Variants in NKAIN2 observed in about 807,000 individuals in gnomAD.
NKAIN2 encodes the protein sodium/potassium transporting ATPase interacting 2.
Under a neutral mutation model 32.6 loss-of-function variants are expected in NKAIN2, and 14 were observed. That is an observed-to-expected ratio of 0.43 (90% confidence interval 0.28 to 0.67). NKAIN2 has a LOEUF of 0.67. NKAIN2 is among the 30% of genes least tolerant of loss of function. The pLI, the probability that NKAIN2 is intolerant of heterozygous loss-of-function variation, is 0.17. For missense variants in NKAIN2, 198 were observed against 258.3 expected, an observed-to-expected ratio of 0.77 and a Z score of 1.60; for synonymous variants, 80 against 87.2, an observed-to-expected ratio of 0.92 and a Z score of 0.46.
chr6:124,741,314 T>C (rs1777198079), intron 4 of NKAIN2, among the ~76,000 whole-genome samples: 1 of 151,846 alleles, frequency 6.6e-6, no homozygotes, highest in African/African-American at 2.4e-5. Flanking sequence ...TAGATATTAC[T>C]AAGAATTATG....
intron 1 of NKAIN2, among the ~76,000 whole-genome samples, chr6:123,931,792 C>G (rs1776263405): frequency 6.6e-6 from 1 of 152,020 alleles, no homozygotes; most frequent in Non-Finnish European, 1.5e-5. Flanking sequence ...ATTTGATCTA[C>G]TAACCCTACT....
chr6:124,067,340 C>T (rs1251303503), intron 1 of NKAIN2, among the ~76,000 whole-genome samples: 4 of 152,136 alleles, frequency 2.6e-5, no homozygotes, highest in Non-Finnish European at 4.4e-5. Flanking sequence ...AGTTCTCCTA[C>T]GTCTGTCTAT....
chr6:124,589,262 C>A (rs1030826525), intron 3 of NKAIN2, among the ~76,000 whole-genome samples: 1 of 152,170 alleles, frequency 6.6e-6, no homozygotes, highest in East Asian at 1.9e-4. Flanking sequence ...CATCATCAAG[C>A]CTCATTTTTC....
At chr6:124,409,172 G>C (rs550483442) in intron 3 of NKAIN2, among the ~76,000 whole-genome samples, 2 of 152,106 alleles carry the variant, frequency 1.3e-5, no homozygotes, top group South Asian at 4.1e-4. Context: ...TTTCCTAACT[G>C]AATGCCGTTT....
Position 124,404,324 on chromosome 6 carries a change from G to A in NKAIN2, c.273+48977G>A, listed in dbSNP as rs546494678. On this transcript the variant is annotated intron_variant, in intron 3 of 6. Transcript: ENST00000368417. Reference sequence around the variant, plus strand: ...ACCCAAAAGAGAGAGGGTTCACCAGGGATCACTTTTTGTTGATTCCTGAGC... The same window carrying A: ...ACCCAAAAGAGAGAGGGTTCACCAGAGATCACTTTTTGTTGATTCCTGAGC... 2.6e-5 allele frequency among the ~76,000 whole-genome samples: 4 copies of A among 152,202 alleles called. No homozygotes were observed. In the South Asian group the frequency reaches 8.3e-4, roughly 32 times the overall value.
chr6:124,229,823 G>A (rs1299086451), intron 1 of NKAIN2, among the ~76,000 whole-genome samples: 3 of 152,106 alleles, frequency 2.0e-5, no homozygotes, highest in Non-Finnish European at 2.9e-5. Flanking sequence ...TCCCAGCCAC[G>A]TGGAACTGTT....
At chr6:124,612,119 G>A (rs1303287929) in intron 3 of NKAIN2, among the ~76,000 whole-genome samples, 1 of 151,144 alleles carries the variant, frequency 6.6e-6, no homozygotes, top group African/African-American at 2.4e-5. Flanking sequence ...GACTATATAG[G>A]TATTTTGGGC....
chr6:124,618,564 G>A (rs1399935406), intron 3 of NKAIN2, among the ~76,000 whole-genome samples: 1 of 152,130 alleles, frequency 6.6e-6, no homozygotes, highest in Non-Finnish European at 1.5e-5. Flanking sequence ...ATACCTGAAA[G>A]TTCCTGCTAG....
At chr6:124,684,041 T>G (rs547572750) in intron 4 of NKAIN2, among the ~76,000 whole-genome samples, 1 of 152,310 alleles carries the variant, frequency 6.6e-6, no homozygotes, top group Admixed American at 6.5e-5. Flanking sequence ...ATCATAAAAT[T>G]AATTCTTTCT....
chr6:124,737,964 T>C (rs1777033694), intron 4 of NKAIN2, among the ~76,000 whole-genome samples: 2 of 151,798 alleles, frequency 1.3e-5, no homozygotes, highest in Non-Finnish European at 1.5e-5. Flanking sequence ...AGCATAAAAG[T>C]TTGGAAAATT....
chr6:124,612,613 G>A (rs916066658), intron 3 of NKAIN2, among the ~76,000 whole-genome samples: 1 of 152,144 alleles, frequency 6.6e-6, no homozygotes, highest in Non-Finnish European at 1.5e-5. Context: ...CTTACATATT[G>A]TATGGCTCAA....
intron 3 of NKAIN2, among the ~76,000 whole-genome samples, chr6:124,602,360 G>A (rs13198341): frequency 0.025 from 3,747 of 151,764 alleles, 63 homozygotes; most frequent in African/African-American, 0.034. Context: ...TTTTTTATTC[G>A]GGTTCATTTA....
chr6:124,363,309 C>A (rs1799375814), intron 3 of NKAIN2, among the ~76,000 whole-genome samples: 1 of 152,064 alleles, frequency 6.6e-6, no homozygotes, highest in Admixed American at 6.6e-5. Flanking sequence ...TCAAAAAAAG[C>A]TATATTCGAA....
intron 4 of NKAIN2, among the ~76,000 whole-genome samples, chr6:124,757,007 A>T (rs148765884): frequency 1.3e-5 from 2 of 152,032 alleles, no homozygotes; most frequent in Non-Finnish European, 2.9e-5. Context: ...TCTACTTTAC[A>T]TCTAAGTTTT....
chr6:124,272,270 G>C (rs960111880), intron 1 of NKAIN2, among the ~76,000 whole-genome samples: 1 of 152,118 alleles, frequency 6.6e-6, no homozygotes, highest in African/African-American at 2.4e-5. Flanking sequence ...TGTATTCATG[G>C]GCTGGTCCCA....
At chr6:124,528,265 T>G (rs1190305098) in intron 3 of NKAIN2, among the ~76,000 whole-genome samples, 1 of 152,242 alleles carries the variant, frequency 6.6e-6, no homozygotes, top group African/African-American at 2.4e-5. Flanking sequence ...GAATCTAGTT[T>G]CTGCCTTGGA....
intron 2 of NKAIN2, among the ~76,000 whole-genome samples, chr6:124,306,655 A>G (rs1796516381): frequency 6.6e-6 from 1 of 152,140 alleles, no homozygotes; most frequent in South Asian, 2.1e-4. Flanking sequence ...CAGCTAAGAC[A>G]TATATATTCA....
Position 124,523,142 on chromosome 6 carries a change from C to A in NKAIN2, c.274-135044C>A, listed in dbSNP as rs75988199. Among the ~76,000 whole-genome samples the A allele has an allele frequency of 3.0e-3, 348 of 115,730 alleles. 1 individual carries two copies. Among genetic ancestry groups the A allele is most frequent in the Non-Finnish European group, 3.7e-3 (208 of 56,544 alleles). The allele number at this position is 115,730 out of a possible 152,430, so 75.9% of individuals were successfully genotyped here. On this transcript the variant is annotated intron_variant, in intron 3 of 6. Transcript: ENST00000368417. Reference sequence around the variant, plus strand: ...TGGGCGACAGAGCGAGACTCCGTCTCAAAAAAAAAAAAAGAAAAAAGATCT... The same window carrying A: ...TGGGCGACAGAGCGAGACTCCGTCTAAAAAAAAAAAAAAGAAAAAAGATCT...
At chr6:124,326,177 C>A (rs897640930) in intron 2 of NKAIN2, among the ~76,000 whole-genome samples, 1 of 146,280 alleles carries the variant, frequency 6.8e-6, no homozygotes, top group African/African-American at 2.5e-5. Context: ...CATCAAATTT[C>A]TGAGCTTTTC....
Sources: gnomAD v4.1 joint callset for allele counts (sites outside exome capture counted in the v4.1 genomes callset) on GRCh38, gnomAD v4.1.1 for gene constraint, MANE v1.5 for transcripts, NCBI Gene and HGNC (gene_info 2026-07-23, HGNC 2026-07-21) for gene names.